AMPH: variants seen among roughly 807,000 people sequenced by gnomAD.
AMPH encodes amphiphysin (Stiff-Mann syndrome with breast cancer 128kD autoantigen).
Under a neutral mutation model 99.1 loss-of-function variants are expected in AMPH, and 49 were observed. The observed-to-expected ratio is 0.49, with a 90% CI of 0.39 to 0.63. The LOEUF is 0.63. Ranked by LOEUF, AMPH falls within the 20% of genes least tolerant of loss-of-function variation. The probability of loss-of-function intolerance (pLI) is 0.00; values close to 1 mark genes in which losing one functional copy is unlikely to be tolerated. For missense variants in AMPH, 759 were observed against 863.4 expected (o/e 0.88, Z 1.52); for synonymous variants, 314 against 317.3 (o/e 0.99, Z 0.11).
intron 17 of AMPH, among the ~76,000 whole-genome samples, chr7:38,415,911 T>A (rs1363311819): frequency 6.6e-6 from 1 of 151,744 alleles, no homozygotes; most frequent in Non-Finnish European, 1.5e-5. Context: ...TTACAAGGAA[T>A]CAAAATTTTT....
At chr7:38,544,648 C>A (rs912345288) in intron 1 of AMPH, among the ~76,000 whole-genome samples, 3 of 152,178 alleles carry the variant, frequency 2.0e-5, no homozygotes, top group African/African-American at 7.2e-5. Flanking sequence ...AAAACTGGGC[C>A]TCACTTGATC....
intron 7 of AMPH, among the ~76,000 whole-genome samples, chr7:38,470,312 T>C (rs1254722030): frequency 2.6e-5 from 4 of 152,212 alleles, no homozygotes; most frequent in Admixed American, 2.6e-4. Context: ...TAACAGACAC[T>C]GTTGCTGCTT....
chr7:38,499,127 T>C (rs1049065023), intron 3 of AMPH, among the ~76,000 whole-genome samples: 42 of 152,244 alleles, frequency 2.8e-4, no homozygotes, highest in African/African-American at 9.9e-4. Flanking sequence ...TCCTCTGTTA[T>C]GATGGCACTC....
chr7:38,623,073 T>C (rs1381069429), intron 1 of AMPH, among the ~76,000 whole-genome samples: 1 of 152,138 alleles, frequency 6.6e-6, no homozygotes, highest in Admixed American at 6.5e-5. Context: ...TCACCATGGG[T>C]TCCTGAAATT....
intron 7 of AMPH, 70 bp from the exon 8 acceptor site, chr7:38,466,318 G>A (rs1787651478): frequency 2.5e-5 from 31 of 1,239,982 alleles, no homozygotes; most frequent in Non-Finnish European, 3.4e-5. Context: ...AATTTTAATA[G>A]CAATGAAATG....
intron 11 of AMPH, among the ~76,000 whole-genome samples, chr7:38,444,670 C>A (rs187912583): frequency 1.3e-5 from 2 of 152,176 alleles, no homozygotes; most frequent in East Asian, 3.9e-4. Flanking sequence ...ACACCTTGAT[C>A]TCAGACATCT....
At chr7:38,454,547 C>CA (rs1009557536) in intron 11 of AMPH, among the ~76,000 whole-genome samples, 2 of 150,918 alleles carry the variant, frequency 1.3e-5, no homozygotes, top group African/African-American at 4.9e-5. Flanking sequence ...AAAAAAAACA[C>CA]AAAAAACAGC....
At chr7:38,472,886 T>G (rs1477949461) in intron 7 of AMPH, among the ~76,000 whole-genome samples, 1 of 152,188 alleles carries the variant, frequency 6.6e-6, no homozygotes, top group Non-Finnish European at 1.5e-5. Context: ...CCCTACAAAG[T>G]CTTTCACGCT....
chr7:38,429,699 GA>G (rs1785930058), intron 14 of AMPH, 142 bp downstream of exon 14: 3 of 1,275,436 alleles, frequency 2.4e-6, no homozygotes, highest in Admixed American at 5.0e-5. Context: ...AACCAAACTG[GA>G]AAGTGATTAC....
intron 1 of AMPH, among the ~76,000 whole-genome samples, chr7:38,576,169 GTAACCATC>G (rs1792233781): frequency 6.6e-6 from 1 of 152,174 alleles, no homozygotes; most frequent in Non-Finnish European, 1.5e-5. Context: ...TGCCTTTGAT[GTAACCATC>G]ATTGCTGGAG....
chr7:38,435,113 A>T (rs1409887921), intron 12 of AMPH, among the ~76,000 whole-genome samples: 2 of 152,242 alleles, frequency 1.3e-5, no homozygotes, highest in African/African-American at 2.4e-5. Flanking sequence ...GAGTTAATAC[A>T]GGAGGCTTCC....
At chr7:38,524,172 G>A (rs1790076982) in intron 2 of AMPH, among the ~76,000 whole-genome samples, 1 of 152,122 alleles carries the variant, frequency 6.6e-6, no homozygotes, top group Admixed American at 6.5e-5. Context: ...AGCTAATTAT[G>A]AGAAAAGTAT....
intron 11 of AMPH, among the ~76,000 whole-genome samples, chr7:38,441,770 G>GTC (rs1554336849): frequency 4.7e-5 from 4 of 85,840 alleles, no homozygotes; most frequent in South Asian, 4.0e-4. Flanking sequence ...TCATATATAT[G>GTC]ATATATATCA....
chr7:38,568,510 T>C (rs1419767469), intron 1 of AMPH, among the ~76,000 whole-genome samples: 1 of 152,226 alleles, frequency 6.6e-6, no homozygotes, highest in Non-Finnish European at 1.5e-5. Flanking sequence ...TACTCTGTAA[T>C]GGGTTTGAGC....
intron 1 of AMPH, among the ~76,000 whole-genome samples, chr7:38,589,334 C>G (rs961982741): frequency 2.1e-4 from 32 of 152,286 alleles, no homozygotes; most frequent in African/African-American, 7.7e-4. Flanking sequence ...CATCACTTAC[C>G]CATCTCTGAA....
intron 17 of AMPH, among the ~76,000 whole-genome samples, chr7:38,413,679 C>CA (rs1785279010): frequency 6.6e-6 from 1 of 152,028 alleles, no homozygotes. Flanking sequence ...CATCCATCTC[C>CA]AAGGTTCTCA....
chr7:38,411,219 TGA>T (rs1224725287), intron 17 of AMPH, among the ~76,000 whole-genome samples: 1 of 152,194 alleles, frequency 6.6e-6, no homozygotes, highest in East Asian at 1.9e-4. Context: ...GGGACTGCTG[TGA>T]GAGAATGCAT....
intron 1 of AMPH, among the ~76,000 whole-genome samples, chr7:38,551,952 C>T (rs555800030): frequency 6.6e-6 from 1 of 152,286 alleles, no homozygotes; most frequent in African/African-American, 2.4e-5. Context: ...TGGACATACA[C>T]TGTCCTCAGT....
chr7:38,608,031 G>T (rs1026016523), intron 1 of AMPH, among the ~76,000 whole-genome samples: 5 of 152,092 alleles, frequency 3.3e-5, no homozygotes, highest in Admixed American at 3.3e-4. Flanking sequence ...TAGAGATGAG[G>T]TCTCACTGTG....
Sources: gnomAD v4.1 joint callset for allele counts (sites outside exome capture counted in the v4.1 genomes callset) on GRCh38, gnomAD v4.1.1 for gene constraint, MANE v1.5 for transcripts, NCBI Gene and HGNC (gene_info 2026-07-23, HGNC 2026-07-21) for gene names.